DGKE: variants seen among roughly 807,000 people sequenced by gnomAD.
DGKE encodes the protein diacylglycerol kinase epsilon.
Under a neutral mutation model 70.0 loss-of-function variants are expected in DGKE, and 53 were observed. The ratio of observed to expected loss-of-function variants is 0.76; its 90% CI spans 0.61 to 0.95. DGKE has a LOEUF of 0.95. Among genes scored for constraint, DGKE ranks in the 40% least tolerant of loss-of-function variants. The pLI, the probability that DGKE is intolerant of heterozygous loss-of-function variation, is 0.00. For missense variants in DGKE, 655 were observed against 706.9 expected (o/e 0.93, Z 0.83); for synonymous variants, 291 against 257.0 (o/e 1.13, Z -1.27).
At position 56,869,300 on chromosome 17, in the gene DGKE, ACC is replaced by A. The variant is rs1482762478; in HGVS notation, c.*6510_*6511del. On this transcript the variant is annotated 3_prime_UTR_variant, in exon 12 of 12. Coordinates refer to ENST00000284061, the MANE Select transcript of DGKE (RefSeq NM_003647.3). ...GTTGGCAACTAATTGACTATCGTCT[ACC>A]ATAAGGTTATATGATAATTATTAGG... The A allele has an allele frequency of 6.6e-6, 1 of 152,244 alleles. No homozygotes were observed. The highest frequency in any genetic ancestry group is 1.5e-5 in the Non-Finnish European group (1 of 68,040). 9.4% of individuals were successfully genotyped at this position (152,244 alleles called of 1,614,324 possible). A position where few individuals can be genotyped will look rare whatever the true frequency, so the allele number is the denominator to read the frequency against.
chr17:56,862,363 C>A, intron 11 of DGKE, 112 bp downstream of exon 11: 1 of 1,035,480 alleles, frequency 9.7e-7, no homozygotes, highest in Non-Finnish European at 1.4e-6. Flanking sequence ...ATGGCTCATG[C>A]AGCTGGTCAC....
chr17:56,853,143 T>C (rs1358992122), intron 7 of DGKE, among the ~76,000 whole-genome samples: 1 of 152,200 alleles, frequency 6.6e-6, no homozygotes, highest in Admixed American at 6.5e-5. Context: ...TTAATAAGAT[T>C]ATTGGTTGTT....
Position 56,847,994 on chromosome 17 carries a change from C to T in DGKE, c.817C>T (p.Arg273Ter), listed in dbSNP as rs750391888. 4 of 1,609,226 alleles carry T rather than the reference C, an allele frequency of 2.5e-6. No individual in the cohort carries two copies. The highest frequency in any genetic ancestry group is 3.4e-6 in the Non-Finnish European group (4 of 1,177,394). ...LCTLLPYYSA[R>*]VLVCGGDGTV... ...TACTCTTCTCCCATATTATTCAGCT[C>T]GAGTACTTGTTTGTGGAGGGGATGG... The change falls in exon 5 of 12, where the codon CGA becomes TGA. Residue 273 changes from arginine (R) to a stop codon, truncating the protein, a stop_gained. Transcript: ENST00000284061. LOFTEE classifies it high-confidence loss of function.
rs1486141528 is a variant in DGKE at position 56,867,372 on chromosome 17, G to A, written c.*4581G>A. 2 of 152,158 alleles carry A rather than the reference G, an allele frequency of 1.3e-5. No homozygotes were observed. The highest frequency in any genetic ancestry group is 3.9e-4 in the East Asian group (2 of 5,154). The allele number at this position is 152,158 out of a possible 1,614,324, so 9.4% of individuals were successfully genotyped here. On this transcript the variant is annotated 3_prime_UTR_variant, in exon 12 of 12. Coordinates refer to ENST00000284061, the MANE Select transcript of DGKE (RefSeq NM_003647.3). ...TCCCAGCACTTGGGGGGCTAAGGGA[G>A]GCGTATCACCTGAGGTCAGGAGTTT...
intron 8 of DGKE, 63 bp downstream of exon 8, chr17:56,856,688 A>G: frequency 6.5e-7 from 1 of 1,527,872 alleles, no homozygotes; most frequent in Non-Finnish European, 8.8e-7. Flanking sequence ...TCAATAGTTC[A>G]ATTATATTTA....
At chr17:56,846,895 A>G (rs756409971) in intron 4 of DGKE, among the ~76,000 whole-genome samples, 15 of 152,116 alleles carry the variant, frequency 9.9e-5, no homozygotes, top group Non-Finnish European at 1.6e-4. Flanking sequence ...ACAAATTTGC[A>G]TTCTGATTTT....
chr17:56,835,249 T>C lies in DGKE; in HGVS notation c.454T>C (p.Cys152Arg). The C allele has an allele frequency of 6.2e-7, 1 of 1,609,994 alleles. No homozygotes were observed. The highest frequency in any genetic ancestry group is 2.2e-5 in the East Asian group (1 of 44,872). ...KQQCGCQPKL[C>R]DYRCIWCQKT... ...GCAGTGTGGCTGTCAACCCAAGCTT[T>C]GCGATTACAGGTATGGTCTTCGTGG... The change falls in exon 2 of 12, where the codon TGC becomes CGC. Residue 152 changes from cysteine (C) to arginine (R), a missense_variant. Coordinates refer to ENST00000284061, the MANE Select transcript of DGKE (RefSeq NM_003647.3).
At position 56,867,472 on chromosome 17, in the gene DGKE, A is replaced by T. The variant is rs1908569688; in HGVS notation, c.*4681A>T. 1 of 152,212 alleles carries T rather than the reference A, an allele frequency of 6.6e-6. No individual in the cohort carries two copies. The allele number at this position is 152,212 out of a possible 1,614,324, so 9.4% of individuals were successfully genotyped here. ...AAAAAAATTAGCCAGGTACATTGGC[A>T]CATGCCTTTAATCCCAGCTAATCAG... On this transcript the variant is annotated 3_prime_UTR_variant, in exon 12 of 12. Transcript: ENST00000284061.
In DGKE at chr17:56,865,013, A is replaced by T. The variant is rs528900824; in HGVS notation, c.*2222A>T. 6 of 152,120 alleles carry T rather than the reference A, an allele frequency of 3.9e-5. No individual in the cohort carries two copies. The highest frequency in any genetic ancestry group is 7.4e-5 in the Non-Finnish European group (5 of 67,984). The allele number at this position is 152,120 out of a possible 1,614,324, so 9.4% of individuals were successfully genotyped here. ...TTTCTGCTGGCTTATTCACTTATTT[A>T]GACTTCATTTAGGGAAGCTATTTCA... is the stretch of plus-strand genomic sequence containing the variant. On this transcript the variant is annotated 3_prime_UTR_variant, in exon 12 of 12. Coordinates refer to ENST00000284061, the MANE Select transcript of DGKE (RefSeq NM_003647.3).
At position 56,835,233 on chromosome 17, in the gene DGKE, C is replaced by T. The variant is rs143220117; in HGVS notation, c.438C>T (p.Gly146=). ...SYCMVCKQQC[G]CQPKLCDYRC... ...GTATGGTTTGCAAGCAGCAGTGTGGCTGTCAACCCAAGCTTTGCGATTACA... is the reference window on the plus strand; with the variant it reads ...GTATGGTTTGCAAGCAGCAGTGTGGTTGTCAACCCAAGCTTTGCGATTACA... Residue 146 remains glycine (G), a synonymous_variant, in exon 2 of 12, where the codon GGC becomes GGT. Coordinates refer to ENST00000284061, the MANE Select transcript of DGKE (RefSeq NM_003647.3). 60 of 1,612,512 alleles carry T rather than the reference C, an allele frequency of 3.7e-5. 1 individual carries two copies. The African/African-American group carries it at 6.8e-4, about 18-fold the overall frequency.
At chr17:56,856,005 C>CAAAA (rs35335003) in intron 7 of DGKE, among the ~76,000 whole-genome samples, 46 of 120,280 alleles carry the variant, frequency 3.8e-4, no homozygotes, top group East Asian at 6.9e-4. Flanking sequence ...GACTCCATCT[C>CAAAA]AAAAAAAAAA....
intron 1 of DGKE, among the ~76,000 whole-genome samples, chr17:56,834,469 T>C (rs1350173348): frequency 3.3e-5 from 5 of 152,220 alleles, no homozygotes; most frequent in African/African-American, 1.2e-4. Flanking sequence ...CTTGCCCCTG[T>C]ATGTTGCGCC....
chr17:56,835,399 T>A (rs993485497), intron 2 of DGKE, 140 bp downstream of exon 2: 3 of 910,564 alleles, frequency 3.3e-6, no homozygotes, highest in African/African-American at 1.7e-5. Context: ...TAAACATCCC[T>A]GAGTTTGTGC....
At chr17:56,838,318 A>C (rs1449185960) in intron 2 of DGKE, among the ~76,000 whole-genome samples, 3 of 152,196 alleles carry the variant, frequency 2.0e-5, no homozygotes, top group African/African-American at 7.2e-5. Flanking sequence ...TAATTATCTG[A>C]AACAGTGAAA....
chr17:56,862,282 T>A (rs1908339355), intron 11 of DGKE, 31 bp downstream of exon 11: 1 of 1,579,062 alleles, frequency 6.3e-7, no homozygotes. Flanking sequence ...ACAGGCTAAT[T>A]TGTCCCAATC....
chr17:56,838,673 G>A (rs1319373531), intron 2 of DGKE: 1 of 87,710 alleles, frequency 1.1e-5, no homozygotes, highest in African/African-American at 3.6e-5. Flanking sequence ...AACAAGCCTT[G>A]TTAAACCTTT....
intron 8 of DGKE, among the ~76,000 whole-genome samples, chr17:56,857,610 A>T (rs189633422): frequency 3.9e-5 from 6 of 152,358 alleles, no homozygotes; most frequent in African/African-American, 1.4e-4. Context: ...CAGTCCTTAC[A>T]TCAACCTTTT....
rs549426255 is a variant in DGKE at position 56,862,165 on chromosome 17, G to A, written c.1438G>A (p.Val480Ile). 2 of 1,614,100 alleles carry A rather than the reference G, an allele frequency of 1.2e-6. No individual in the cohort carries two copies. The highest frequency in any genetic ancestry group is 2.2e-5 in the East Asian group (1 of 44,886). ...ARHDDGLLEV[V>I]GVYGSFHCAQ... ...GCATGACGATGGTCTGCTGGAAGTC[G>A]TTGGAGTATATGGGTCTTTCCACTG... Residue 480 changes from valine to isoleucine, a missense_variant, in exon 11 of 12, where the codon GTT becomes ATT. By Grantham distance (29) the Val-to-Ile change is conservative. Coordinates refer to ENST00000284061, the MANE Select transcript of DGKE (RefSeq NM_003647.3).
rs1908317490 is a variant in DGKE, at chr17:56,861,927, A to G, written c.1412+9A>G. 7 of 1,580,362 alleles carry G rather than the reference A, an allele frequency of 4.4e-6. No homozygotes were observed. Among genetic ancestry groups the G allele is most frequent in the African/African-American group, 1.4e-5 (1 of 72,696 alleles). ...ACTTACCCTCTAGCCAGGTATGTAC[A>G]TTTGTGGTCTGTTTTTTTATGTCAC... On this transcript the variant is annotated intron_variant, in intron 10 of 11. Transcript: ENST00000284061.
Sources: allele counts gnomAD v4.1 joint callset (sites outside exome capture counted in the v4.1 genomes callset), GRCh38; gene constraint gnomAD v4.1.1; transcripts MANE v1.5; gene names NCBI Gene and HGNC (gene_info 2026-07-23, HGNC 2026-07-21).